The following RNF144B variants were observed in gnomAD, a reference collection of about 807,000 sequenced individuals.
RNF144B encodes ring finger protein 144B.
Under a neutral mutation model 40.2 loss-of-function variants are expected in RNF144B, and 25 were observed. The ratio of observed to expected loss-of-function variants is 0.62; its 90% CI spans 0.45 to 0.87. The LOEUF (loss-of-function observed/expected upper bound fraction) is 0.87. Among genes scored for constraint, RNF144B ranks in the 40% least tolerant of loss-of-function variants. The pLI, the probability that RNF144B is intolerant of heterozygous loss-of-function variation, is 0.00. For synonymous variants in RNF144B, 145 were observed against 136.3 expected, an observed-to-expected ratio of 1.06 and a Z score of -0.44; for missense variants, 365 against 373.7, an observed-to-expected ratio of 0.98 and a Z score of 0.19.
chr6:18,420,297 G>A (rs1049779440), intron 2 of RNF144B, among the ~76,000 whole-genome samples: 7 of 152,068 alleles, frequency 4.6e-5, no homozygotes, highest in African/African-American at 1.4e-4. Flanking sequence ...GGATTTTGGA[G>A]CATTTCAGAT....
rs10949516 is a variant in RNF144B at position 18,444,244 on chromosome 6, G to A, written c.331+4500G>A. ...CTGATATTGGTTGGTTATTCTACCC[G>A]CTTTCCACCCATCTGTGACTTTTTG... On this transcript the variant is annotated intron_variant, in intron 4 of 7. Transcript: ENST00000259939. This position sits in a 1 kb window ranked among gnomAD's most constrained non-coding sequence, Gnocchi z 4.3. 0.16 allele frequency among the ~76,000 whole-genome samples: 23,793 copies of A among 152,100 alleles called. 1,959 individuals are homozygous for A. The highest frequency in any genetic ancestry group is 0.24 in the South Asian group (1,135 of 4,824).
At chr6:18,453,454 G>GT (rs1458769090) in intron 4 of RNF144B, among the ~76,000 whole-genome samples, 1 of 151,408 alleles carries the variant, frequency 6.6e-6, no homozygotes, top group Non-Finnish European at 1.5e-5. Context: ...TTTTTTGTTT[G>GT]TTTTTTTCTT....
In RNF144B at chr6:18,434,954, A is replaced by G. The variant is rs534288078; in HGVS notation, c.271-4730A>G. 2.6e-5 allele frequency among the ~76,000 whole-genome samples: 4 copies of G among 152,350 alleles called. No individual in the cohort carries two copies. The highest frequency in any genetic ancestry group is 9.6e-5 in the African/African-American group (4 of 41,580). The stretch of plus-strand genomic sequence containing the variant: ...GTATTTAATAAGGATCATAAGGTTC[A>G]TTTTTATCAGAAATGAAACAAAACA... On this transcript the variant is annotated intron_variant, in intron 3 of 7. Coordinates refer to ENST00000259939, the MANE Select transcript of RNF144B (RefSeq NM_182757.4). The surrounding 1 kb of genome is among the most constrained non-coding windows in gnomAD (Gnocchi z 4.1).
In RNF144B at chr6:18,410,316, C is replaced by T. The variant is rs1366538971; in HGVS notation, c.165+10617C>T. Among the ~76,000 whole-genome samples the T allele has an allele frequency of 3.9e-5, 6 of 152,172 alleles. No homozygotes were observed. The highest frequency in any genetic ancestry group is 3.3e-4 in the Admixed American group (5 of 15,278). On this transcript the variant is annotated intron_variant, in intron 2 of 7. Coordinates refer to ENST00000259939, the MANE Select transcript of RNF144B (RefSeq NM_182757.4). This position sits in a 1 kb window ranked among gnomAD's most constrained non-coding sequence, Gnocchi z 4.6. Reference sequence around the variant, plus strand: ...GCCAGGCATGGTGTTAATTGTGGAGCAAGTGGCAGTCATCAGACACAACCA... The same window carrying T: ...GCCAGGCATGGTGTTAATTGTGGAGTAAGTGGCAGTCATCAGACACAACCA...
In RNF144B at chr6:18,460,102, C is replaced by T. The variant is rs1319725739; in HGVS notation, c.681+351C>T. On this transcript the variant is annotated intron_variant, in intron 6 of 7. Coordinates refer to ENST00000259939, the MANE Select transcript of RNF144B (RefSeq NM_182757.4). This position sits in a 1 kb window ranked among gnomAD's most constrained non-coding sequence, Gnocchi z 4.4. ...GCTTAAAATACCACAAACTTATTAT[C>T]CCACAGTTCTTCACTTTGGAAGTCT... Among the ~76,000 whole-genome samples, 1 of 152,168 alleles carries T rather than the reference C, an allele frequency of 6.6e-6. No homozygotes were observed. Among genetic ancestry groups the T allele is most frequent in the Admixed American group, 6.5e-5 (1 of 15,282 alleles).
intron 3 of RNF144B, among the ~76,000 whole-genome samples, chr6:18,436,346 A>T (rs1258227236): frequency 6.6e-6 from 1 of 152,178 alleles, no homozygotes; most frequent in African/African-American, 2.4e-5. Flanking sequence ...CCTGGATTGG[A>T]TCTTAGACTG....
rs1364554111 is a variant in RNF144B, at chr6:18,457,345, G to T, written c.522G>T (p.Leu174=). 1 of 1,613,438 alleles carries T rather than the reference G, an allele frequency of 6.2e-7. No homozygotes were observed. The highest frequency in any genetic ancestry group is 8.5e-7 in the Non-Finnish European group (1 of 1,179,366). ...VSCRDSQPIV[L]PTEHRALFGT... is the part of the protein sequence containing the mutation. The stretch of plus-strand genomic sequence containing the variant: ...GTAGAGACAGTCAGCCTATTGTCCT[G>T]CCAACAGAGCACCGGTAAGAAAGGA... Residue 174 remains leucine, a synonymous_variant, in exon 5 of 8, where the codon CTG becomes CTT. Transcript: ENST00000259939. The surrounding 1 kb of genome is among the most constrained non-coding windows in gnomAD (Gnocchi z 5.1).
chr6:18,413,595 A>C (rs1162766310), intron 2 of RNF144B, among the ~76,000 whole-genome samples: 1 of 152,248 alleles, frequency 6.6e-6, no homozygotes, highest in Non-Finnish European at 1.5e-5. Flanking sequence ...GCATATTTTC[A>C]GATGTTGAAA....
intron 2 of RNF144B, among the ~76,000 whole-genome samples, chr6:18,409,555 C>T (rs1794991440): frequency 7.3e-6 from 1 of 137,926 alleles, no homozygotes; most frequent in Non-Finnish European, 1.5e-5. Flanking sequence ...ACTTCACTTG[C>T]ATAACCTTTT....
rs2113533611 is a variant in RNF144B, at chr6:18,456,105, G to A, written c.332-1050G>A. 6.6e-6 allele frequency among the ~76,000 whole-genome samples: 1 copy of A among 152,190 alleles called. No homozygotes were observed. The highest frequency in any genetic ancestry group is 1.9e-4 in the East Asian group (1 of 5,170). ...GCCCGGCTAATTTTTTGTATTTTTA[G>A]TAGAGATGGTGTTTCACCCTGTTAG... On this transcript the variant is annotated intron_variant, in intron 4 of 7. Coordinates refer to ENST00000259939, the MANE Select transcript of RNF144B (RefSeq NM_182757.4). The surrounding 1 kb of genome is among the most constrained non-coding windows in gnomAD (Gnocchi z 4.7).
Position 18,459,352 on chromosome 6 carries a change from T to C in RNF144B, c.537-255T>C, listed in dbSNP as rs908968501. On this transcript the variant is annotated intron_variant, in intron 5 of 7. Coordinates refer to ENST00000259939, the MANE Select transcript of RNF144B (RefSeq NM_182757.4). This position sits in a 1 kb window ranked among gnomAD's most constrained non-coding sequence, Gnocchi z 4.2. Reference sequence around the variant, plus strand: ...GGCAATGCATGCTTAGGGAATGAAATATTAATTTGACAAAATAGTGAGTTA... The same window carrying C: ...GGCAATGCATGCTTAGGGAATGAAACATTAATTTGACAAAATAGTGAGTTA... Among the ~76,000 whole-genome samples the C allele has an allele frequency of 9.2e-5, 14 of 152,180 alleles. No homozygotes were observed. Among genetic ancestry groups the C allele is most frequent in the African/African-American group, 2.9e-4 (12 of 41,432 alleles).
Position 18,400,425 on chromosome 6 carries a change from T to C in RNF144B, c.165+726T>C, listed in dbSNP as rs539588027. Among the ~76,000 whole-genome samples the C allele has an allele frequency of 6.6e-6, 1 of 152,356 alleles. No individual in the cohort carries two copies. Among genetic ancestry groups the C allele is most frequent in the Non-Finnish European group, 1.5e-5 (1 of 68,032 alleles). ...TGTTCATCTTCTACAATGTACATGA[T>C]ATAAATTGTACTTTGTCATAGCTCC... On this transcript the variant is annotated intron_variant, in intron 2 of 7. Coordinates refer to ENST00000259939, the MANE Select transcript of RNF144B (RefSeq NM_182757.4). This position sits in a 1 kb window ranked among gnomAD's most constrained non-coding sequence, Gnocchi z 5.6.
intron 4 of RNF144B, among the ~76,000 whole-genome samples, chr6:18,453,061 A>G (rs1301227519): frequency 6.6e-6 from 1 of 151,430 alleles, no homozygotes; most frequent in Non-Finnish European, 1.5e-5. Context: ...TGCTGGGATT[A>G]CAGGAGTGAG....
chr6:18,387,739 T>G (rs2113445630), intron 1 of RNF144B, 109 bp downstream of exon 1: 1 of 929,270 alleles, frequency 1.1e-6, no homozygotes, highest in East Asian at 6.5e-5. Context: ...AATTTTTCGA[T>G]TTTCTGTCTC....
chr6:18,463,813 G>C (rs1051841698), intron 7 of RNF144B, among the ~76,000 whole-genome samples: 2 of 152,220 alleles, frequency 1.3e-5, no homozygotes, highest in African/African-American at 4.8e-5. Context: ...AATTCCACAT[G>C]GCTGGGGAGG....
chr6:18,422,630 A>T lies in RNF144B; in HGVS notation c.166-4951A>T, dbSNP rs1758453832. ...TTGACCACAGGACCCCAGCGCCTGC[A>T]TCCAGAAGCATCTAAGATCCTGGAA... is the stretch of plus-strand genomic sequence containing the variant. On this transcript the variant is annotated intron_variant, in intron 2 of 7. Transcript: ENST00000259939. The surrounding 1 kb of genome is among the most constrained non-coding windows in gnomAD (Gnocchi z 4.7). Among the ~76,000 whole-genome samples the T allele has an allele frequency of 6.6e-6, 1 of 152,178 alleles. No homozygotes were observed. Among genetic ancestry groups the T allele is most frequent in the Non-Finnish European group, 1.5e-5 (1 of 68,040 alleles).
Position 18,465,218 on chromosome 6 carries a change from C to A in RNF144B, c.*151C>A. Reference sequence around the variant, plus strand: ...GAACTTGCCTGCCAGCCTTCAGCATCAGGAAAGGCCAAGTCCTGGGTGTGA... The same window carrying A: ...GAACTTGCCTGCCAGCCTTCAGCATAAGGAAAGGCCAAGTCCTGGGTGTGA... On this transcript the variant is annotated 3_prime_UTR_variant, in exon 8 of 8. Transcript: ENST00000259939. The A allele has an allele frequency of 1.4e-6, 1 of 712,348 alleles. No homozygotes were observed. The highest frequency in any genetic ancestry group is 2.4e-6 in the Non-Finnish European group (1 of 423,930). 44.1% of individuals were successfully genotyped at this position (712,348 alleles called of 1,614,324 possible). A position where few individuals can be genotyped will look rare whatever the true frequency, so the allele number is the denominator to read the frequency against.
Position 18,443,887 on chromosome 6 carries a change from G to A in RNF144B, c.331+4143G>A, listed in dbSNP as rs534238115. On this transcript the variant is annotated intron_variant, in intron 4 of 7. Coordinates refer to ENST00000259939, the MANE Select transcript of RNF144B (RefSeq NM_182757.4). This position sits in a 1 kb window ranked among gnomAD's most constrained non-coding sequence, Gnocchi z 4.7. ...TTAAATACCCACTAATACTGTAAAT[G>A]AGTTAAATGACTAACCAACTGAAAG... Among the ~76,000 whole-genome samples, 1 of 152,278 alleles carries A rather than the reference G, an allele frequency of 6.6e-6. No homozygotes were observed. The highest frequency in any genetic ancestry group is 6.5e-5 in the Admixed American group (1 of 15,296).
Position 18,407,984 on chromosome 6 carries a change from CTTTTTTTTTTTT to C in RNF144B, c.165+8291_165+8302del, listed in dbSNP as rs370801682. ...TTTTTCTTTTTCTTTCTTTCTTTTT[CTTTTTTTTTTTT>C]TTTTTCCAGACAGAATCTCATTTTG... On this transcript the variant is annotated intron_variant, in intron 2 of 7. Coordinates refer to ENST00000259939, the MANE Select transcript of RNF144B (RefSeq NM_182757.4). Among the ~76,000 whole-genome samples, 469 of 133,606 alleles carry C rather than the reference CTTTTTTTTTTTT, an allele frequency of 3.5e-3. 2 individuals are homozygous for C. Among genetic ancestry groups the C allele is most frequent in the Middle Eastern group, 0.035 (9 of 260 alleles). 87.7% of individuals were successfully genotyped at this position (133,606 alleles called of 152,430 possible).
Sources: gnomAD v4.1 joint callset for allele counts (sites outside exome capture counted in the v4.1 genomes callset) on GRCh38, gnomAD v4.1.1 for gene constraint, Gnocchi (gnomAD v3.1) non-coding constraint, MANE v1.5 for transcripts, NCBI Gene and HGNC (gene_info 2026-07-23, HGNC 2026-07-21) for gene names.